Variants in GPHN observed in about 807,000 individuals in gnomAD.
GPHN encodes the protein gephyrin.
Under a neutral mutation model 95.5 loss-of-function variants are expected in GPHN, and 17 were observed. The ratio of observed to expected loss-of-function variants is 0.18; its 90% CI spans 0.12 to 0.27. The LOEUF (loss-of-function observed/expected upper bound fraction) is 0.27, where lower values mean the gene tolerates loss of function less well. GPHN is among the 10% of genes least tolerant of loss of function. GPHN has a pLI of 1.00. For missense variants in GPHN, 660 were observed against 978.1 expected (o/e 0.67, Z 4.34); for synonymous variants, 320 against 322.5 (o/e 0.99, Z 0.08).
At chr14:67,202,422 A>G in the GPHN span, among the ~76,000 whole-genome samples, 1 of 152,234 alleles carries the variant, frequency 6.6e-6, no homozygotes, top group Non-Finnish European at 1.5e-5. Flanking sequence ...CCTGGGCAAC[A>G]GAACGAGACT....
the GPHN span, among the ~76,000 whole-genome samples, chr14:67,413,045 G>A: frequency 6.6e-6 from 1 of 152,134 alleles, no homozygotes; most frequent in African/African-American, 2.4e-5. Context: ...TTACAGGCAA[G>A]AGCCACCGTG....
At chr14:67,282,077 AAC>A in the GPHN span, among the ~76,000 whole-genome samples, 1 of 152,214 alleles carries the variant, frequency 6.6e-6, no homozygotes, top group Non-Finnish European at 1.5e-5. Flanking sequence ...TGATATAGTC[AAC>A]ACAGATATCT....
At chr14:66,546,228 G>C (rs951034266) in intron 1 of GPHN, among the ~76,000 whole-genome samples, 4 of 151,346 alleles carry the variant, frequency 2.6e-5, no homozygotes, top group Non-Finnish European at 5.9e-5. Flanking sequence ...CTGGGAAGAG[G>C]TGCTCCTCAC....
the GPHN span, among the ~76,000 whole-genome samples, chr14:67,282,180 G>A: frequency 1.3e-5 from 2 of 152,146 alleles, no homozygotes; most frequent in East Asian, 3.8e-4. Flanking sequence ...TTAAAGTGAA[G>A]TGTAATAGCT....
chr14:67,395,936 C>G, the GPHN span, among the ~76,000 whole-genome samples: 1 of 152,154 alleles, frequency 6.6e-6, no homozygotes, highest in Non-Finnish European at 1.5e-5. Flanking sequence ...TCAGTCCCAT[C>G]TGAACACAAA....
intron 4 of GPHN, among the ~76,000 whole-genome samples, chr14:66,854,780 G>A (rs1440388735): frequency 6.6e-6 from 1 of 151,180 alleles, no homozygotes; most frequent in Non-Finnish European, 1.5e-5. Context: ...AATGGTTTTT[G>A]GTATATTACA....
the GPHN span, among the ~76,000 whole-genome samples, chr14:67,521,432 G>C: frequency 1.3e-5 from 2 of 152,206 alleles, no homozygotes; most frequent in Admixed American, 1.3e-4. Flanking sequence ...AGTCCTGTGG[G>C]TTTATCAGAA....
intron 9 of GPHN, chr14:66,985,664 C>T (rs1210637197): frequency 1.3e-6 from 2 of 1,503,916 alleles, no homozygotes; most frequent in South Asian, 1.2e-5. Context: ...CTTTCTTACC[C>T]ATCTTCCCTC....
chr14:67,650,784 C>T, the GPHN span: 1 of 1,614,058 alleles, frequency 6.2e-7, no homozygotes, highest in Non-Finnish European at 8.5e-7. Flanking sequence ...GAGGCGAAGA[C>T]TACAGCTAAC....
At chr14:67,708,278 C>A in the GPHN span, among the ~76,000 whole-genome samples, 1 of 152,170 alleles carries the variant, frequency 6.6e-6, no homozygotes, top group African/African-American at 2.4e-5. Flanking sequence ...TTACTTTAGT[C>A]TTCTATCAGT....
chr14:66,949,877 G>T (rs993318662), intron 8 of GPHN, among the ~76,000 whole-genome samples: 18 of 151,610 alleles, frequency 1.2e-4, no homozygotes, highest in African/African-American at 3.9e-4. Flanking sequence ...TCAAAGGACT[G>T]CAGCATTCAA....
intron 8 of GPHN, among the ~76,000 whole-genome samples, chr14:66,933,311 A>G (rs1417917006): frequency 6.6e-6 from 1 of 152,246 alleles, no homozygotes; most frequent in Non-Finnish European, 1.5e-5. Flanking sequence ...CACTAACTTT[A>G]TTAATGAGTC....
chr14:67,076,585 T>C (rs1383991924), intron 11 of GPHN, among the ~76,000 whole-genome samples: 2 of 152,182 alleles, frequency 1.3e-5, no homozygotes, highest in East Asian at 3.8e-4. Context: ...AAATATATGT[T>C]TTGACATTGC....
chr14:67,557,374 A>G, the GPHN span: 1 of 1,613,964 alleles, frequency 6.2e-7, no homozygotes, highest in Non-Finnish European at 8.5e-7. Context: ...CATAAAGGGC[A>G]AAGATGAGCT....
At chr14:66,677,195 A>G (rs535520214) in intron 1 of GPHN, among the ~76,000 whole-genome samples, 3 of 152,046 alleles carry the variant, frequency 2.0e-5, no homozygotes, top group African/African-American at 7.2e-5. Flanking sequence ...TAGTCTAGCT[A>G]CTGGTTTGTA....
intron 11 of GPHN, among the ~76,000 whole-genome samples, chr14:67,071,458 G>C (rs538189713): frequency 7.4e-5 from 11 of 148,986 alleles, no homozygotes; most frequent in Admixed American, 1.3e-4. Flanking sequence ...ACAGGAAGGG[G>C]AATATCACAC....
the GPHN span, chr14:67,662,550 TAA>T: frequency 6.2e-7 from 1 of 1,602,454 alleles, no homozygotes; most frequent in Non-Finnish European, 8.5e-7. Context: ...AAAAGATAGA[TAA>T]GTTTCAAATG....
At chr14:67,716,581 A>G in the GPHN span, among the ~76,000 whole-genome samples, 1 of 152,074 alleles carries the variant, frequency 6.6e-6, no homozygotes, top group African/African-American at 2.4e-5. Context: ...AAACATTTGT[A>G]ATAGTTTAAA....
intron 3 of GPHN, among the ~76,000 whole-genome samples, chr14:66,822,918 A>G (rs957937269): frequency 1.3e-5 from 2 of 152,194 alleles, no homozygotes; most frequent in African/African-American, 2.4e-5. Context: ...AAGAGATCTA[A>G]GGTGTTCTAG....
Sources: gnomAD v4.1 joint callset for allele counts (sites outside exome capture counted in the v4.1 genomes callset) on GRCh38, gnomAD v4.1.1 for gene constraint, MANE v1.5 for transcripts, NCBI Gene and HGNC (gene_info 2026-07-23, HGNC 2026-07-21) for gene names.